The following MAPK10 variants were observed in gnomAD, a reference collection of about 807,000 sequenced individuals.
MAPK10 encodes the protein mitogen-activated protein kinase 10.
A neutral mutation model predicts 59.3 loss-of-function variants in MAPK10; 25 were observed. The ratio of observed to expected loss-of-function variants is 0.42; its 90% CI spans 0.31 to 0.59. The LOEUF is 0.59. Ranked by LOEUF, MAPK10 falls within the 20% of genes least tolerant of loss-of-function variation. MAPK10 has a pLI of 0.15. For missense variants in MAPK10, 351 were observed against 568.9 expected (o/e 0.62, Z 3.90); for synonymous variants, 190 against 200.5 (o/e 0.95, Z 0.44).
At chr4:86,548,467 G>C (rs754682875) in intron 1 of MAPK10, among the ~76,000 whole-genome samples, 5 of 152,142 alleles carry the variant, frequency 3.3e-5, no homozygotes, top group Non-Finnish European at 7.4e-5. Flanking sequence ...GCTATGGTTT[G>C]GATCTCTGTC....
At chr4:86,034,319 T>A (rs983310739) in intron 11 of MAPK10, among the ~76,000 whole-genome samples, 2 of 152,210 alleles carry the variant, frequency 1.3e-5, no homozygotes, top group Admixed American at 1.3e-4. Context: ...CAAACACAAA[T>A]TTATATGGAT....
Position 86,534,486 on chromosome 4 carries a change from C to T in MAPK10, c.-263+59424G>A, listed in dbSNP as rs1242798439. Among the ~76,000 whole-genome samples, 3 of 152,058 alleles carry T rather than the reference C, an allele frequency of 2.0e-5. No homozygotes were observed. The East Asian group carries it at 5.8e-4, about 29-fold the overall frequency. On this transcript the variant is annotated intron_variant, in intron 1 of 4. Coordinates refer to the MAPK10 transcript ENST00000502302. ...TGAAGTTTAATTAATAGTGATGTAC[C>T]AATGTTGCCTTTTAGTTTTAACAAA...
At chr4:86,440,136 T>A (rs974343166) in intron 1 of MAPK10, among the ~76,000 whole-genome samples, 5 of 152,176 alleles carry the variant, frequency 3.3e-5, no homozygotes, top group African/African-American at 1.2e-4. Flanking sequence ...ATATAGACTA[T>A]ATGTGTCTCT....
chr4:86,295,681 TTTA>T (rs1328223384), intron 2 of MAPK10, among the ~76,000 whole-genome samples: 2 of 149,880 alleles, frequency 1.3e-5, no homozygotes, highest in African/African-American at 2.4e-5. Context: ...TGTTATAGCT[TTTA>T]TTATGATATC....
At chr4:86,425,175 A>C (rs1485700286) in intron 1 of MAPK10, among the ~76,000 whole-genome samples, 1 of 152,224 alleles carries the variant, frequency 6.6e-6, no homozygotes, top group African/African-American at 2.4e-5. Context: ...TGGAAGAATA[A>C]GGACTTACAA....
chr4:86,145,220 G>A (rs1360574652), intron 4 of MAPK10, among the ~76,000 whole-genome samples: 3 of 92,032 alleles, frequency 3.3e-5, no homozygotes, highest in Non-Finnish European at 6.4e-5. Context: ...TCTCTAGCCG[G>A]GCGTGGTGGC....
intron 2 of MAPK10, among the ~76,000 whole-genome samples, chr4:86,323,844 A>G (rs1292237036): frequency 6.6e-6 from 1 of 152,238 alleles, no homozygotes; most frequent in Non-Finnish European, 1.5e-5. Context: ...TAAAAATAAT[A>G]TTTTAATCTA....
chr4:86,357,411 T>C (rs1306911628), intron 1 of MAPK10, among the ~76,000 whole-genome samples: 1 of 152,222 alleles, frequency 6.6e-6, no homozygotes, highest in Non-Finnish European at 1.5e-5. Context: ...AATATATTTA[T>C]GCCTTTAAAC....
At chr4:86,335,681 T>G (rs1720851647) in intron 2 of MAPK10, among the ~76,000 whole-genome samples, 1 of 152,176 alleles carries the variant, frequency 6.6e-6, no homozygotes, top group Non-Finnish European at 1.5e-5. Context: ...AGAGGTTTAA[T>G]GGACTTACAG....
intron 1 of MAPK10, among the ~76,000 whole-genome samples, chr4:86,414,530 A>G (rs963968763): frequency 1.3e-5 from 2 of 152,244 alleles, no homozygotes; most frequent in Admixed American, 1.3e-4. Context: ...GTAGACACAC[A>G]GAGTAGTGTA....
intron 9 of MAPK10, among the ~76,000 whole-genome samples, chr4:86,078,799 G>C (rs2050045432): frequency 6.6e-6 from 1 of 152,070 alleles, no homozygotes; most frequent in African/African-American, 2.4e-5. Context: ...AGACCAGCCT[G>C]ACCAACATAG....
intron 2 of MAPK10, among the ~76,000 whole-genome samples, chr4:86,198,389 G>A (rs1274804502): frequency 2.6e-5 from 4 of 152,042 alleles, no homozygotes; most frequent in Admixed American, 6.6e-5. Context: ...ACTGGGGCCC[G>A]AGGAACTGAC....
intron 1 of MAPK10, among the ~76,000 whole-genome samples, chr4:86,469,700 C>T (rs1752510289): frequency 6.6e-6 from 1 of 152,122 alleles, no homozygotes; most frequent in Non-Finnish European, 1.5e-5. Flanking sequence ...AAAGCTGAAA[C>T]CATCATTAAG....
chr4:86,194,763 T>C (rs2080887128), intron 2 of MAPK10, among the ~76,000 whole-genome samples: 1 of 151,772 alleles, frequency 6.6e-6, no homozygotes, highest in Non-Finnish European at 1.5e-5. Flanking sequence ...ACAGGATATA[T>C]ATATTTATTG....
chr4:86,260,825 T>C (rs1480880115), intron 2 of MAPK10, among the ~76,000 whole-genome samples: 3 of 152,166 alleles, frequency 2.0e-5, no homozygotes, highest in Non-Finnish European at 4.4e-5. Flanking sequence ...TTACATTCTT[T>C]CATTTATTCA....
At chr4:86,490,364 G>C (rs1051626205) in intron 1 of MAPK10, among the ~76,000 whole-genome samples, 4 of 152,174 alleles carry the variant, frequency 2.6e-5, no homozygotes, top group African/African-American at 4.8e-5. Context: ...CTTCACAACT[G>C]TTGGTCCAGG....
intron 1 of MAPK10, among the ~76,000 whole-genome samples, chr4:86,563,253 T>G (rs1760812503): frequency 6.6e-6 from 1 of 152,190 alleles, no homozygotes; most frequent in South Asian, 2.1e-4. Flanking sequence ...GAAAGGAATT[T>G]TATTCATAAT....
chr4:86,535,110 CTT>C (rs1758132002), intron 1 of MAPK10, among the ~76,000 whole-genome samples: 1 of 152,078 alleles, frequency 6.6e-6, no homozygotes, highest in African/African-American at 2.4e-5. Context: ...GCTTAATACT[CTT>C]TTCCTATCCT....
chr4:86,379,008 G>A (rs554095553), intron 1 of MAPK10, among the ~76,000 whole-genome samples: 1 of 152,324 alleles, frequency 6.6e-6, no homozygotes, highest in Admixed American at 6.5e-5. Flanking sequence ...GGAACAGTCT[G>A]GTGGGATGAG....
Sources: allele counts gnomAD v4.1 joint callset (sites outside exome capture counted in the v4.1 genomes callset), GRCh38; gene constraint gnomAD v4.1.1; transcripts MANE v1.5; gene names NCBI Gene and HGNC (gene_info 2026-07-23, HGNC 2026-07-21).